LPP: variants seen among roughly 807,000 people sequenced by gnomAD.
The protein encoded by LPP is LIM domain containing preferred translocation partner in lipoma, also known as lipoma-preferred partner.
LPP carries 38 observed loss-of-function variants against 60.4 expected under a neutral mutation model. That is an observed-to-expected ratio of 0.63 (90% CI 0.49 to 0.83). The LOEUF is 0.83. LPP is among the 40% of genes least tolerant of loss of function. The pLI, the probability that LPP is intolerant of heterozygous loss-of-function variation, is 0.00. For synonymous variants in LPP, 328 were observed against 290.8 expected, an observed-to-expected ratio of 1.13 and a Z score of -1.30; for missense variants, 902 against 783.6, an observed-to-expected ratio of 1.15 and a Z score of -1.80.
At chr3:188,377,780 C>T (rs925224110) in intron 3 of LPP, among the ~76,000 whole-genome samples, 3 of 152,160 alleles carry the variant, frequency 2.0e-5, no homozygotes, top group African/African-American at 7.2e-5. Context: ...AGGAGTGGCG[C>T]TCTGATTTTT....
chr3:188,194,856 C>A (rs1729089316), intron 1 of LPP, among the ~76,000 whole-genome samples: 1 of 152,146 alleles, frequency 6.6e-6, no homozygotes, highest in African/African-American at 2.4e-5. Flanking sequence ...ATATACCCGT[C>A]TATGGTAGAA....
rs568999040 is a variant in LPP at position 188,420,800 on chromosome 3, A to G, written c.193+14487A>G. Among the ~76,000 whole-genome samples the G allele has an allele frequency of 4.8e-4, 73 of 152,344 alleles. 1 individual carries two copies. The highest frequency in any genetic ancestry group is 7.8e-4 in the Admixed American group (12 of 15,288). On this transcript the variant is annotated intron_variant, in intron 4 of 11. Coordinates refer to ENST00000617246, the MANE Select transcript of LPP (RefSeq NM_001375462.1). ...ACCAACATTACTAGGCTGTGTTTGT[A>G]GCAAAAACTGAGTATGTGGTGGTGG...
At chr3:188,690,421 A>C (rs1395228714) in intron 7 of LPP, among the ~76,000 whole-genome samples, 2 of 152,222 alleles carry the variant, frequency 1.3e-5, no homozygotes, top group Non-Finnish European at 2.9e-5. Context: ...TGTTGTTTCA[A>C]GGGGTCTGCT....
At chr3:188,252,320 C>A (rs1312832598) in intron 2 of LPP, among the ~76,000 whole-genome samples, 1 of 141,028 alleles carries the variant, frequency 7.1e-6, no homozygotes, top group Non-Finnish European at 1.5e-5. Context: ...CTCTTCTTTT[C>A]TTCTTCTCTC....
At chr3:188,761,809 A>G (rs1012726250) in intron 9 of LPP, among the ~76,000 whole-genome samples, 1 of 152,238 alleles carries the variant, frequency 6.6e-6, no homozygotes, top group South Asian at 2.1e-4. Flanking sequence ...TATTTCAAAT[A>G]TCTTTGAAAT....
chr3:188,726,029 G>A (rs1291893825), intron 8 of LPP, among the ~76,000 whole-genome samples: 2 of 152,102 alleles, frequency 1.3e-5, no homozygotes, highest in African/African-American at 4.8e-5. Flanking sequence ...CAGATCAAGA[G>A]GGCCTCTTAT....
chr3:188,305,315 C>T (rs1751175307), intron 2 of LPP, among the ~76,000 whole-genome samples: 1 of 152,156 alleles, frequency 6.6e-6, no homozygotes, highest in Non-Finnish European at 1.5e-5. Flanking sequence ...GAACATCCAG[C>T]TTTGTGCCTT....
intron 4 of LPP, among the ~76,000 whole-genome samples, chr3:188,426,523 C>T (rs569961327): frequency 2.3e-4 from 35 of 152,174 alleles, no homozygotes; most frequent in African/African-American, 7.5e-4. Flanking sequence ...CCTTCTGTCT[C>T]GTTGATCTGT....
intron 9 of LPP, among the ~76,000 whole-genome samples, chr3:188,828,822 A>G (rs1342055725): frequency 6.6e-6 from 1 of 152,038 alleles, no homozygotes; most frequent in Non-Finnish European, 1.5e-5. Flanking sequence ...TCCTATAAAT[A>G]TAGTGATTGT....
intron 7 of LPP, among the ~76,000 whole-genome samples, chr3:188,652,470 G>T (rs1020036368): frequency 6.6e-6 from 1 of 152,072 alleles, no homozygotes; most frequent in African/African-American, 2.4e-5. Context: ...AGAGGGAGGA[G>T]AATCTGTTCA....
intron 7 of LPP, among the ~76,000 whole-genome samples, chr3:188,638,213 T>A (rs1308846182): frequency 5.7e-5 from 8 of 140,024 alleles, no homozygotes; most frequent in African/African-American, 2.1e-4. Flanking sequence ...GTTCAATATA[T>A]GCAAATCAAT....
At chr3:188,647,123 C>T (rs545942660) in intron 7 of LPP, among the ~76,000 whole-genome samples, 345 of 152,364 alleles carry the variant, frequency 2.3e-3, no homozygotes, top group South Asian at 2.9e-3. Flanking sequence ...GAACTGTTCA[C>T]TTCTACTCTG....
chr3:188,536,423 C>A (rs1042610408), intron 6 of LPP, among the ~76,000 whole-genome samples: 1 of 152,156 alleles, frequency 6.6e-6, no homozygotes, highest in African/African-American at 2.4e-5. Context: ...TACTTCTTGA[C>A]CCAGTATTTC....
chr3:188,797,676 A>G (rs543392534), intron 9 of LPP, among the ~76,000 whole-genome samples: 3 of 152,286 alleles, frequency 2.0e-5, no homozygotes, highest in South Asian at 4.1e-4. Context: ...GCCAATTCCA[A>G]CGTAATCTAA....
chr3:188,692,059 C>T lies in LPP; in HGVS notation c.1114-16208C>T, dbSNP rs571762456. 2.0e-5 allele frequency among the ~76,000 whole-genome samples: 3 copies of T among 152,298 alleles called. No homozygotes were observed. The East Asian group carries it at 5.8e-4, about 29-fold the overall frequency. On this transcript the variant is annotated intron_variant, in intron 7 of 11. Transcript: ENST00000617246. ...ATGATGCTTGCCCCTAGAGTGTCAG[C>T]ATAGCCCTTGCAGAGAAACCCCAGG...
chr3:188,463,367 A>C (rs1312530264), intron 4 of LPP, among the ~76,000 whole-genome samples: 1 of 151,942 alleles, frequency 6.6e-6, no homozygotes, highest in Non-Finnish European at 1.5e-5. Flanking sequence ...TTTAAAAAAA[A>C]AAAAAAAGTT....
chr3:188,280,646 A>G (rs1417348616), intron 2 of LPP, among the ~76,000 whole-genome samples: 2 of 151,830 alleles, frequency 1.3e-5, no homozygotes, highest in South Asian at 4.2e-4. Flanking sequence ...CGACGGTCCT[A>G]TGTAGACAGG....
rs1771029053 is a variant in LPP at position 188,889,489 on chromosome 3, A to G, written c.*15010A>G. On this transcript the variant is annotated 3_prime_UTR_variant, in exon 12 of 12. Transcript: ENST00000617246. ...TTCCTTCTAAGTCAGTTGGCTCCATATTCACTTGAATATGCCTCTGTTTGG... is the reference window on the plus strand; with the variant it reads ...TTCCTTCTAAGTCAGTTGGCTCCATGTTCACTTGAATATGCCTCTGTTTGG... The G allele has an allele frequency of 4.3e-6, 1 of 230,840 alleles. No individual in the cohort carries two copies. Among genetic ancestry groups the G allele is most frequent in the Non-Finnish European group, 8.6e-6 (1 of 116,526 alleles). 14.3% of individuals were successfully genotyped at this position (230,840 alleles called of 1,614,324 possible).
At chr3:188,840,296 A>T (rs1759604455) in intron 9 of LPP, among the ~76,000 whole-genome samples, 2 of 152,212 alleles carry the variant, frequency 1.3e-5, no homozygotes, top group Non-Finnish European at 2.9e-5. Flanking sequence ...GGGTCACTGG[A>T]AGCTATGTTT....
Sources: allele counts gnomAD v4.1 joint callset (sites outside exome capture counted in the v4.1 genomes callset), GRCh38; gene constraint gnomAD v4.1.1; transcripts MANE v1.5; gene names NCBI Gene and HGNC (gene_info 2026-07-23, HGNC 2026-07-21).